The following DYNC1H1 variants were observed in gnomAD, a reference collection of about 807,000 sequenced individuals.
DYNC1H1 encodes the protein cytoplasmic dynein 1 heavy chain 1.
DYNC1H1 carries 51 observed loss-of-function variants against 527.1 expected under a neutral mutation model. The ratio of observed to expected loss-of-function variants is 0.10; its 90% confidence interval spans 0.08 to 0.12. The LOEUF is 0.12. DYNC1H1 is among the 10% of genes least tolerant of loss of function. The pLI is 1.00. For synonymous variants in DYNC1H1, 2,189 were observed against 2,278.8 expected (o/e 0.96, Z 1.12); for missense variants, 2,771 against 5,971.8 (o/e 0.46, Z 17.66).
chr14:101,986,856 A>G lies in DYNC1H1; in HGVS notation c.2538+93A>G, dbSNP rs1347197559. The G allele has an allele frequency of 1.4e-6, 2 of 1,442,234 alleles. No individual in the cohort carries two copies. Among genetic ancestry groups the G allele is most frequent in the African/African-American group, 1.4e-5 (1 of 71,640 alleles). 89.3% of individuals were successfully genotyped at this position (1,442,234 alleles called of 1,614,324 possible). ...AAACACTAGTTCTCCCGAAGAAGGC[A>G]TGCATGGTTGATGCAGCATACGGCC... On this transcript the variant is annotated intron_variant, in intron 8 of 77. Transcript: ENST00000360184. The surrounding 1 kb of genome is among the most constrained non-coding windows in gnomAD (Gnocchi z 8.7).
Position 102,049,660 on chromosome 14 carries a change from C to A in DYNC1H1, c.13516-54C>A, listed in dbSNP as rs1387250825. 1 of 1,613,550 alleles carries A rather than the reference C, an allele frequency of 6.2e-7. No homozygotes were observed. Among genetic ancestry groups the A allele is most frequent in the South Asian group, 1.1e-5 (1 of 91,068 alleles). On this transcript the variant is annotated intron_variant, in intron 75 of 77. Coordinates refer to ENST00000360184, the MANE Select transcript of DYNC1H1 (RefSeq NM_001376.5). This position sits in a 1 kb window ranked among gnomAD's most constrained non-coding sequence, Gnocchi z 5.5. ...GTGGGAGTGGCTCTGGGGAAAAACA[C>A]AGGGCCCAGGTCTGACCTGAGCTCC...
In DYNC1H1 at chr14:102,016,174, G is replaced by A. The variant is rs1223412244; in HGVS notation, c.7473+88G>A. 2.0e-6 allele frequency: 3 copies of A among 1,523,452 alleles called. No individual in the cohort carries two copies. Among genetic ancestry groups the A allele is most frequent in the Non-Finnish European group, 2.7e-6 (3 of 1,124,136 alleles). 94.4% of individuals were successfully genotyped at this position (1,523,452 alleles called of 1,614,324 possible). A position where few individuals can be genotyped will look rare whatever the true frequency, so the allele number is the denominator to read the frequency against. On this transcript the variant is annotated intron_variant, in intron 36 of 77. Coordinates refer to ENST00000360184, the MANE Select transcript of DYNC1H1 (RefSeq NM_001376.5). The surrounding 1 kb of genome is among the most constrained non-coding windows in gnomAD (Gnocchi z 7.3). ...TCTGAAATGCTGCACCTGTGGGGAT[G>A]TGCGCTCTCTCCTAGGCGAGGCAGA... is the stretch of plus-strand genomic sequence containing the variant.
chr14:101,965,024 C>T lies in DYNC1H1; in HGVS notation c.256+77C>T, dbSNP rs1309994168. ...GGGCCTGCCAGGTCCTCCGGGGTCG[C>T]AGATGTCCCCGGGATGGGAGGAGCC... On this transcript the variant is annotated intron_variant, in intron 1 of 77. Coordinates refer to ENST00000360184, the MANE Select transcript of DYNC1H1 (RefSeq NM_001376.5). This position sits in a 1 kb window ranked among gnomAD's most constrained non-coding sequence, Gnocchi z 4.1. The T allele has an allele frequency of 1.4e-6, 2 of 1,462,216 alleles. No individual in the cohort carries two copies. The highest frequency in any genetic ancestry group is 2.8e-5 in the African/African-American group (2 of 70,750). The allele number at this position is 1,462,216 out of a possible 1,614,324, so 90.6% of individuals were successfully genotyped here.
intron 51 of DYNC1H1, 63 bp downstream of exon 51, chr14:102,030,345 G>A (rs761028475): frequency 4.1e-5 from 66 of 1,612,568 alleles, no homozygotes; most frequent in Non-Finnish European, 5.2e-5. Flanking sequence ...CATTACTGTG[G>A]AGTTCAGGTC....
At chr14:102,047,631 GTGTGTGTGTGTA>G (rs2048739871) in intron 72 of DYNC1H1, 174 bp from the exon 73 acceptor site, 1 of 401,852 alleles carries the variant, frequency 2.5e-6, no homozygotes, top group Non-Finnish European at 4.2e-6. Flanking sequence ...GTGTGTGTGT[GTGTGTGTGTGTA>G]TATATATATA....
Position 102,020,201 on chromosome 14 carries a change from C to T in DYNC1H1, c.8507+145C>T. On this transcript the variant is annotated intron_variant, in intron 42 of 77. Transcript: ENST00000360184. This position sits in a 1 kb window ranked among gnomAD's most constrained non-coding sequence, Gnocchi z 4.3. Reference sequence around the variant, plus strand: ...GTGGAAGGAGCAGAGTCAGCCAGGGCAGCCTCCCGTCTGGACACTGGTCAC... The same window carrying T: ...GTGGAAGGAGCAGAGTCAGCCAGGGTAGCCTCCCGTCTGGACACTGGTCAC... The T allele has an allele frequency of 8.7e-7, 1 of 1,155,666 alleles. No individual in the cohort carries two copies. Among genetic ancestry groups the T allele is most frequent in the South Asian group, 1.3e-5 (1 of 75,158 alleles). The allele number at this position is 1,155,666 out of a possible 1,614,324, so 71.6% of individuals were successfully genotyped here.
Position 102,039,293 on chromosome 14 carries a change from A to G in DYNC1H1, c.11460+39A>G. 1 of 1,611,156 alleles carries G rather than the reference A, an allele frequency of 6.2e-7. No individual in the cohort carries two copies. Among genetic ancestry groups the G allele is most frequent in the Non-Finnish European group, 8.5e-7 (1 of 1,179,834 alleles). On this transcript the variant is annotated intron_variant, in intron 60 of 77. Coordinates refer to ENST00000360184, the MANE Select transcript of DYNC1H1 (RefSeq NM_001376.5). The surrounding 1 kb of genome is among the most constrained non-coding windows in gnomAD (Gnocchi z 7.0). ...CCATGCAGAGACTGGCGGGCCCCGC[A>G]CAGTAGCTCCTTGGCCGCACAGAGG... is the stretch of plus-strand genomic sequence containing the variant.
In DYNC1H1 at chr14:101,964,609, C is replaced by T. The variant is rs552280450; in HGVS notation, c.-83C>T. The T allele has an allele frequency of 3.3e-6, 5 of 1,531,272 alleles. No individual in the cohort carries two copies. The highest frequency in any genetic ancestry group is 1.2e-5 in the South Asian group (1 of 83,804). The allele number at this position is 1,531,272 out of a possible 1,614,324, so 94.9% of individuals were successfully genotyped here. A position where few individuals can be genotyped will look rare whatever the true frequency, so the allele number is the denominator to read the frequency against. On this transcript the variant is annotated 5_prime_UTR_variant, in exon 1 of 78. Transcript: ENST00000360184. The surrounding 1 kb of genome is among the most constrained non-coding windows in gnomAD (Gnocchi z 5.5). ...GGCTAGCGGACGGTCCGGCTTCCGGCGGCCGTTTCTGTCTCTTGCTGGCTG... is the reference window on the plus strand; with the variant it reads ...GGCTAGCGGACGGTCCGGCTTCCGGTGGCCGTTTCTGTCTCTTGCTGGCTG...
chr14:102,033,921 G>T lies in DYNC1H1; in HGVS notation c.10414-55G>T, dbSNP rs555025373. On this transcript the variant is annotated intron_variant, in intron 54 of 77. Coordinates refer to ENST00000360184, the MANE Select transcript of DYNC1H1 (RefSeq NM_001376.5). The surrounding 1 kb of genome is among the most constrained non-coding windows in gnomAD (Gnocchi z 5.6). ...GTGGATGAACCGATTTGCAGGATTCGGTATAAATCCTGAAAGGCCTCATCC... is the reference window on the plus strand; with the variant it reads ...GTGGATGAACCGATTTGCAGGATTCTGTATAAATCCTGAAAGGCCTCATCC... The T allele has an allele frequency of 6.3e-7, 1 of 1,580,932 alleles. No homozygotes were observed. The highest frequency in any genetic ancestry group is 2.2e-5 in the East Asian group (1 of 44,750).
In DYNC1H1 at chr14:102,006,004, A is replaced by G. The variant is rs1415812910; in HGVS notation, c.5550A>G (p.Gln1850=). The G allele has an allele frequency of 6.2e-7, 1 of 1,614,268 alleles. No individual in the cohort carries two copies. Among genetic ancestry groups the G allele is most frequent in the Admixed American group, 1.7e-5 (1 of 60,030 alleles). The part of the protein sequence containing the change: ...SQMRFYFDPK[Q]TDVLQQLSIQ... ...TGCGATTTTACTTTGACCCTAAGCA[A>G]ACTGATGTGTTACAGCAGTTGTCAA... The change falls in exon 27 of 78, where the codon CAA becomes CAG. Residue 1850 remains glutamine (Q), a synonymous_variant. Transcript: ENST00000360184.
intron 43 of DYNC1H1, 54 bp from the exon 44 acceptor site, chr14:102,026,520 C>A (rs1595622869): frequency 2.5e-6 from 4 of 1,606,368 alleles, no homozygotes; most frequent in East Asian, 4.5e-5. Flanking sequence ...TGACTTTGGT[C>A]TAATAACTAA....
At chr14:101,994,898 A>G (rs1250064653) in intron 13 of DYNC1H1, 49 bp downstream of exon 13, 1 of 1,614,022 alleles carries the variant, frequency 6.2e-7, no homozygotes. Context: ...TGTAAAAGCA[A>G]CATTTCTGTT....
rs545461746 is a variant in DYNC1H1, at chr14:102,041,930, C to T, written c.12103-83C>T. 2.0e-6 allele frequency: 3 copies of T among 1,533,222 alleles called. No homozygotes were observed. Among genetic ancestry groups the T allele is most frequent in the African/African-American group, 2.7e-5 (2 of 73,132 alleles). The allele number at this position is 1,533,222 out of a possible 1,614,324, so 95.0% of individuals were successfully genotyped here. A position where few individuals can be genotyped will look rare whatever the true frequency, so the allele number is the denominator to read the frequency against. On this transcript the variant is annotated intron_variant, in intron 65 of 77. Transcript: ENST00000360184. The surrounding 1 kb of genome is among the most constrained non-coding windows in gnomAD (Gnocchi z 4.5). ...GCCCAGAAAGAACATCTTCTCAGGC[C>T]CCTCACTCGGGGCTCTCCTTTCCCT...
At position 102,044,028 on chromosome 14, in the gene DYNC1H1, C is replaced by T. The variant is rs1457551136; in HGVS notation, c.12667C>T (p.Leu4223=). ...AGCTTGCGATACGGTGGACACGTGGCTGGATGACACGGCCAAGGCAAGTGT... is the reference window on the plus strand; with the variant it reads ...AGCTTGCGATACGGTGGACACGTGGTTGGATGACACGGCCAAGGCAAGTGT... The part of the protein sequence containing the change: ...RSACDTVDTW[L]DDTAKGRQNI... Residue 4223 remains leucine (L), a synonymous_variant, in exon 70 of 78, where the codon CTG becomes TTG. Transcript: ENST00000360184. This position sits in a 1 kb window ranked among gnomAD's most constrained non-coding sequence, Gnocchi z 7.1. The T allele has an allele frequency of 3.1e-6, 5 of 1,613,836 alleles. No individual in the cohort carries two copies. In the Admixed American group the frequency reaches 6.7e-5, roughly 22 times the overall value.
Position 101,964,874 on chromosome 14 carries a change from C to G in DYNC1H1, c.183C>G (p.Ala61=), listed in dbSNP as rs554497564. The G allele has an allele frequency of 6.3e-7, 1 of 1,598,332 alleles. No individual in the cohort carries two copies. The highest frequency in any genetic ancestry group is 1.1e-5 in the South Asian group (1 of 89,168). ...ALEAALEEKS[A]LEQMRKFLSD... is the part of the protein sequence containing the mutation. ...AGGCGGCGCTGGAGGAGAAGAGCGCCCTGGAGCAGATGCGCAAGTTCCTTT... is the reference window on the plus strand; with the variant it reads ...AGGCGGCGCTGGAGGAGAAGAGCGCGCTGGAGCAGATGCGCAAGTTCCTTT... Residue 61 remains alanine, a synonymous_variant, in exon 1 of 78, where the codon GCC becomes GCG. Coordinates refer to ENST00000360184, the MANE Select transcript of DYNC1H1 (RefSeq NM_001376.5). This position sits in a 1 kb window ranked among gnomAD's most constrained non-coding sequence, Gnocchi z 5.5.
Position 102,005,535 on chromosome 14 carries a change from C to T in DYNC1H1, c.5433+299C>T, listed in dbSNP as rs941244157. Among the ~76,000 whole-genome samples, 5 of 152,180 alleles carry T rather than the reference C, an allele frequency of 3.3e-5. No homozygotes were observed. The highest frequency in any genetic ancestry group is 1.2e-4 in the African/African-American group (5 of 41,438). On this transcript the variant is annotated intron_variant, in intron 26 of 77. Transcript: ENST00000360184. This position sits in a 1 kb window ranked among gnomAD's most constrained non-coding sequence, Gnocchi z 4.0. Reference sequence around the variant, plus strand: ...GTGGCCACAGCAGTGCTAAGCTGCACGGCACGGGCAGTGCTTGCTGCGAGC... The same window carrying T: ...GTGGCCACAGCAGTGCTAAGCTGCATGGCACGGGCAGTGCTTGCTGCGAGC...
intron 51 of DYNC1H1, among the ~76,000 whole-genome samples, chr14:102,031,572 C>T (rs2048511089): frequency 1.3e-5 from 2 of 152,110 alleles, no homozygotes; most frequent in African/African-American, 4.8e-5. Flanking sequence ...TTACGCATCC[C>T]TCTAAATTGT....
At position 102,042,297 on chromosome 14, in the gene DYNC1H1, G is replaced by A. The variant is rs569139993; in HGVS notation, c.12275+9G>A. The stretch of plus-strand genomic sequence containing the variant: ...GCTGTAAAGTCGGGCAGGTAGGCCT[G>A]TTCTCTTTGGCTGAAGAAAGCCTTA... On this transcript the variant is annotated intron_variant, in intron 67 of 77. Transcript: ENST00000360184. The surrounding 1 kb of genome is among the most constrained non-coding windows in gnomAD (Gnocchi z 5.7). 4 of 1,614,126 alleles carry A rather than the reference G, an allele frequency of 2.5e-6. No individual in the cohort carries two copies. The highest frequency in any genetic ancestry group is 1.3e-5 in the African/African-American group (1 of 75,030).
chr14:102,041,342 G>T lies in DYNC1H1; in HGVS notation c.11942-232G>T. On this transcript the variant is annotated intron_variant, in intron 64 of 77. Coordinates refer to ENST00000360184, the MANE Select transcript of DYNC1H1 (RefSeq NM_001376.5). The surrounding 1 kb of genome is among the most constrained non-coding windows in gnomAD (Gnocchi z 4.5). ...TATTAGTTTAGTAATCTAAAAATCA[G>T]CAAATGGCACCTTTGTCCTATGGAT... 1.6e-6 allele frequency: 1 copy of T among 625,546 alleles called. No individual in the cohort carries two copies. The allele number at this position is 625,546 out of a possible 1,614,324, so 38.7% of individuals were successfully genotyped here.
Sources: gnomAD v4.1 joint callset for allele counts (sites outside exome capture counted in the v4.1 genomes callset) on GRCh38, gnomAD v4.1.1 for gene constraint, Gnocchi (gnomAD v3.1) non-coding constraint, MANE v1.5 for transcripts, NCBI Gene and HGNC (gene_info 2026-07-23, HGNC 2026-07-21) for gene names.